SNX29: variants seen among roughly 807,000 people sequenced by gnomAD.
The protein encoded by SNX29 is sorting nexin 29.
Under a neutral mutation model 102.1 loss-of-function variants are expected in SNX29, and 78 were observed. The observed-to-expected ratio is 0.76, with a 90% confidence interval of 0.64 to 0.92. The LOEUF (loss-of-function observed/expected upper bound fraction) is 0.92. Among genes scored for constraint, SNX29 ranks in the 40% least tolerant of loss-of-function variants. The pLI, the probability that SNX29 is intolerant of heterozygous loss-of-function variation, is 0.00. For missense variants in SNX29, 1,280 were observed against 1,061.7 expected, an observed-to-expected ratio of 1.21 and a Z score of -2.86; for synonymous variants, 580 against 414.5, an observed-to-expected ratio of 1.40 and a Z score of -4.85.
intron 18 of SNX29, among the ~76,000 whole-genome samples, chr16:12,414,816 G>A (rs916900143): frequency 6.6e-6 from 1 of 152,156 alleles, no homozygotes; most frequent in African/African-American, 2.4e-5. Flanking sequence ...TCGCCTCCGG[G>A]GTTCAAGCAA....
intron 18 of SNX29, among the ~76,000 whole-genome samples, chr16:12,425,365 G>C (rs2085023682): frequency 6.6e-6 from 1 of 151,784 alleles, no homozygotes; most frequent in Non-Finnish European, 1.5e-5. Context: ...CATAAGATCA[G>C]AGTGCCCCTG....
chr16:12,382,949 A>C lies in SNX29; in HGVS notation c.1900-15497A>C, dbSNP rs116596801. 8.6e-3 allele frequency among the ~76,000 whole-genome samples: 1,305 copies of C among 152,202 alleles called. 10 individuals carry two copies. Among genetic ancestry groups the C allele is most frequent in the African/African-American group, 0.014 (581 of 41,516 alleles). Reference sequence around the variant, plus strand: ...TTCTCATCTCAAGAGTCTGAATTACATCTGCAAAGACACCTTTTTCCACAT... The same window carrying C: ...TTCTCATCTCAAGAGTCTGAATTACCTCTGCAAAGACACCTTTTTCCACAT... On this transcript the variant is annotated intron_variant, in intron 16 of 20. Coordinates refer to ENST00000566228, the MANE Select transcript of SNX29 (RefSeq NM_032167.5).
intron 18 of SNX29, among the ~76,000 whole-genome samples, chr16:12,414,556 C>T (rs993066692): frequency 1.3e-5 from 2 of 152,148 alleles, no homozygotes; most frequent in Admixed American, 1.3e-4. Context: ...TGTGATTCCC[C>T]CGGTCTCTTT....
chr16:12,114,390 G>T (rs183863291), intron 11 of SNX29, among the ~76,000 whole-genome samples: 9 of 152,210 alleles, frequency 5.9e-5, no homozygotes, highest in African/African-American at 2.2e-4. Context: ...CCCCAATCCT[G>T]TTGAGGCTCT....
chr16:12,432,744 A>G (rs184012716), intron 18 of SNX29, among the ~76,000 whole-genome samples: 53 of 152,302 alleles, frequency 3.5e-4, no homozygotes, highest in Admixed American at 5.9e-4. Context: ...GAGGGAAAAA[A>G]AGTTGACGAG....
At chr16:12,099,360 G>A (rs1317579323) in intron 11 of SNX29, among the ~76,000 whole-genome samples, 1 of 152,176 alleles carries the variant, frequency 6.6e-6, no homozygotes, top group East Asian at 1.9e-4. Flanking sequence ...CTGAAGGAAG[G>A]AAGAGGCACC....
Position 12,052,035 on chromosome 16 carries a change from C to T in SNX29, c.937C>T (p.Pro313Ser), listed in dbSNP as rs1271428085. The T allele has an allele frequency of 6.2e-7, 1 of 1,613,966 alleles. No homozygotes were observed. Among genetic ancestry groups the T allele is most frequent in the Non-Finnish European group, 8.5e-7 (1 of 1,179,862 alleles). ...IMSAFESPFG[P>S]NSNGSQSSNS... The stretch of plus-strand genomic sequence containing the variant: ...GTCCGCCTTTGAAAGCCCCTTCGGG[C>T]CTAACTCCAATGGAAGTCAGAGCAG... Residue 313 changes from proline to serine, a missense_variant, in exon 8 of 21, where the codon CCT (proline) becomes TCT (serine). Pro to Ser is a moderately conservative substitution (Grantham distance 74). Coordinates refer to ENST00000566228, the MANE Select transcript of SNX29 (RefSeq NM_032167.5).
At chr16:11,982,146 G>GACC (rs893337241) in intron 1 of SNX29, among the ~76,000 whole-genome samples, 1 of 152,032 alleles carries the variant, frequency 6.6e-6, no homozygotes, top group Non-Finnish European at 1.5e-5. Flanking sequence ...TATGTATGTA[G>GACC]ACCTAAAAAG....
At chr16:12,480,214 G>A (rs1193409016) in intron 19 of SNX29, among the ~76,000 whole-genome samples, 1 of 152,150 alleles carries the variant, frequency 6.6e-6, no homozygotes, top group African/African-American at 2.4e-5. Flanking sequence ...CAATTCGAGA[G>A]GTCAGAAGTC....
intron 14 of SNX29, among the ~76,000 whole-genome samples, chr16:12,270,759 C>T (rs559670440): frequency 9.2e-5 from 14 of 152,038 alleles, no homozygotes; most frequent in Admixed American, 2.6e-4. Flanking sequence ...AGTGGTCTCT[C>T]GGCTGGGCAC....
chr16:12,018,350 G>A (rs2056911293), intron 3 of SNX29, among the ~76,000 whole-genome samples: 1 of 151,888 alleles, frequency 6.6e-6, no homozygotes, highest in Admixed American at 6.6e-5. Context: ...GGCCAAGGCA[G>A]GTGGATCACG....
chr16:12,163,713 A>G (rs1349107300), intron 13 of SNX29, among the ~76,000 whole-genome samples: 1 of 151,978 alleles, frequency 6.6e-6, no homozygotes, highest in Non-Finnish European at 1.5e-5. Context: ...TATTTGTTAA[A>G]CCGAACCTTT....
In SNX29 at chr16:12,382,951, C is replaced by G. The variant is rs528417258; in HGVS notation, c.1900-15495C>G. ...CTCATCTCAAGAGTCTGAATTACAT[C>G]TGCAAAGACACCTTTTTCCACATTT... On this transcript the variant is annotated intron_variant, in intron 16 of 20. Transcript: ENST00000566228. 3.3e-5 allele frequency among the ~76,000 whole-genome samples: 5 copies of G among 152,268 alleles called. No individual in the cohort carries two copies. The East Asian group carries it at 9.6e-4, about 29-fold the overall frequency.
rs146260444 is a variant in SNX29, at chr16:12,573,079, G to A, written c.*4450G>A. On this transcript the variant is annotated 3_prime_UTR_variant, in exon 21 of 21. Transcript: ENST00000566228. ...GCACTGTATATTTTATCTCATTTCT[G>A]TGCCAAGAAAGTTCATCTTTATGTT... 1.9e-3 allele frequency: 434 copies of A among 231,306 alleles called. 4 individuals carry two copies. The highest frequency in any genetic ancestry group is 8.9e-3 in the African/African-American group (404 of 45,256). The allele number at this position is 231,306 out of a possible 1,614,324, so 14.3% of individuals were successfully genotyped here.
At chr16:12,485,624 G>C (rs1487392811) in intron 19 of SNX29, among the ~76,000 whole-genome samples, 1 of 152,188 alleles carries the variant, frequency 6.6e-6, no homozygotes, top group Non-Finnish European at 1.5e-5. Context: ...GGAGAGGTGG[G>C]AGCGAGTGGA....
chr16:11,984,401 C>T (rs1430943563), intron 1 of SNX29, among the ~76,000 whole-genome samples: 3 of 134,568 alleles, frequency 2.2e-5, no homozygotes, highest in Non-Finnish European at 4.8e-5. Flanking sequence ...AAGATTGAGA[C>T]TGATATAGGC....
rs912432671 is a variant in SNX29, at chr16:12,572,919, A to T, written c.*4290A>T. The T allele has an allele frequency of 2.0e-6, 2 of 978,014 alleles. No individual in the cohort carries two copies. Among genetic ancestry groups the T allele is most frequent in the Non-Finnish European group, 1.2e-6 (1 of 800,712 alleles). 60.6% of individuals were successfully genotyped at this position (978,014 alleles called of 1,614,324 possible). A position where few individuals can be genotyped will look rare whatever the true frequency, so the allele number is the denominator to read the frequency against. ...TCGCTCGGAATCACGGCAGACTTGG[A>T]GTGTTTCTTCAAGGCAGGCATCTGC... On this transcript the variant is annotated 3_prime_UTR_variant, in exon 21 of 21. Transcript: ENST00000566228.
chr16:12,408,292 AAGGGC>A (rs2084257461), intron 18 of SNX29, among the ~76,000 whole-genome samples: 1 of 152,222 alleles, frequency 6.6e-6, no homozygotes, highest in Admixed American at 6.5e-5. Flanking sequence ...ATGGTAGGCT[AAGGGC>A]AGGCCTGCAG....
chr16:12,039,898 A>T (rs1186244479), intron 4 of SNX29, among the ~76,000 whole-genome samples: 3 of 152,136 alleles, frequency 2.0e-5, no homozygotes, highest in African/African-American at 7.2e-5. Context: ...GGTTGTGATG[A>T]TGTCAGATGT....
Sources: gnomAD v4.1 joint callset for allele counts (sites outside exome capture counted in the v4.1 genomes callset) on GRCh38, gnomAD v4.1.1 for gene constraint, MANE v1.5 for transcripts, NCBI Gene and HGNC (gene_info 2026-07-23, HGNC 2026-07-21) for gene names.